QPCTL: variants seen among roughly 807,000 people sequenced by gnomAD.
QPCTL encodes glutaminyl-peptide cyclotransferase-like protein.
A neutral mutation model predicts 34.6 loss-of-function variants in QPCTL; 31 were observed. The ratio of observed to expected loss-of-function variants is 0.90; its 90% confidence interval spans 0.67 to 1.21. The LOEUF is 1.21. Among genes scored for constraint, QPCTL ranks in the 50% most tolerant of loss-of-function variants. QPCTL has a pLI of 0.00. For synonymous variants in QPCTL, 223 were observed against 226.9 expected (o/e 0.98, Z 0.15); for missense variants, 474 against 507.8 (o/e 0.93, Z 0.64).
chr19:45,692,923 G>C lies in QPCTL; in HGVS notation c.207+13G>C. ...CCGGGAGCTGCGGGTGAGGCTGGGC[G>C]GGGACCCGGGCACCGCGGGGACCCT... On this transcript the variant is annotated intron_variant, in intron 1 of 6. Coordinates refer to ENST00000012049, the MANE Select transcript of QPCTL (RefSeq NM_017659.4). The C allele has an allele frequency of 6.5e-7, 1 of 1,531,746 alleles. No homozygotes were observed. The highest frequency in any genetic ancestry group is 8.7e-7 in the Non-Finnish European group (1 of 1,143,450). 94.9% of individuals were successfully genotyped at this position (1,531,746 alleles called of 1,614,324 possible). A position where few individuals can be genotyped will look rare whatever the true frequency, so the allele number is the denominator to read the frequency against.
Position 45,701,752 on chromosome 19 carries a change from G to T in QPCTL, c.887-46G>T, listed in dbSNP as rs374259442. 4 of 1,451,108 alleles carry T rather than the reference G, an allele frequency of 2.8e-6. No homozygotes were observed. The South Asian group carries it at 3.6e-5, about 13-fold the overall frequency. 89.9% of individuals were successfully genotyped at this position (1,451,108 alleles called of 1,614,324 possible). On this transcript the variant is annotated intron_variant, in intron 5 of 6. Coordinates refer to ENST00000012049, the MANE Select transcript of QPCTL (RefSeq NM_017659.4). The stretch of plus-strand genomic sequence containing the variant: ...TCTGATTTGTGGACTGGGGACCTTC[G>T]ACTACTAAGGACTAACCCTTCCTCT...
At chr19:45,700,828 G>T (rs909373844) in intron 5 of QPCTL, among the ~76,000 whole-genome samples, 2 of 151,886 alleles carry the variant, frequency 1.3e-5, no homozygotes, top group South Asian at 2.1e-4. Flanking sequence ...GTGTGGTGGT[G>T]GGCGCCTGTA....
chr19:45,699,113 A>C (rs1967763853), intron 5 of QPCTL, among the ~76,000 whole-genome samples: 1 of 144,924 alleles, frequency 6.9e-6, no homozygotes. Flanking sequence ...GGCTCACTGC[A>C]ACCTCCACCT....
intron 6 of QPCTL, 37 bp downstream of exon 6, chr19:45,701,951 A>C (rs1174108815): frequency 1.3e-6 from 2 of 1,547,028 alleles, no homozygotes; most frequent in East Asian, 4.5e-5. Flanking sequence ...GTGGGTGTCC[A>C]AGGAAGCCAC....
At chr19:45,700,679 G>A (rs1197014554) in intron 5 of QPCTL, among the ~76,000 whole-genome samples, 1 of 152,018 alleles carries the variant, frequency 6.6e-6, no homozygotes, top group Non-Finnish European at 1.5e-5. Flanking sequence ...GGCCAGTGGG[G>A]GCCGGGCCTG....
At chr19:45,695,391 T>C (rs2146125322) in intron 2 of QPCTL, 46 bp from the exon 3 acceptor site, 11 of 812,146 alleles carry the variant, frequency 1.4e-5, no homozygotes, top group East Asian at 9.2e-5. Flanking sequence ...TCTCCCCACC[T>C]CCTCCCCAGT....
At chr19:45,699,987 G>A (rs1023787424) in intron 5 of QPCTL, among the ~76,000 whole-genome samples, 4 of 149,304 alleles carry the variant, frequency 2.7e-5, no homozygotes, top group Admixed American at 1.3e-4. Flanking sequence ...TGCAGTCCCA[G>A]TGACTTGGGA....
intron 6 of QPCTL, among the ~76,000 whole-genome samples, chr19:45,702,236 G>C (rs1360933020): frequency 1.3e-5 from 2 of 151,854 alleles, no homozygotes; most frequent in African/African-American, 4.8e-5. Context: ...TGGCGGGGGG[G>C]GATCCTTGAG....
chr19:45,702,883 A>G, intron 6 of QPCTL, 21 bp from the exon 7 acceptor site: 1 of 1,613,764 alleles, frequency 6.2e-7, no homozygotes, highest in Non-Finnish European at 8.5e-7. Flanking sequence ...GGACCTGACA[A>G]AGTCTCCTCT....
Position 45,692,818 on chromosome 19 carries a change from T to C in QPCTL, c.115T>C (p.Leu39=), listed in dbSNP as rs1344394374. 2 of 1,574,346 alleles carry C rather than the reference T, an allele frequency of 1.3e-6. No homozygotes were observed. ...LLPRVRLLPL[L]LALAVGSAFY... Reference sequence around the variant, plus strand: ...ACCGCGGGTTCGGCTCTTGCCTCTGTTGCTGGCGCTGGCCGTGGGCTCGGC... The same window carrying C: ...ACCGCGGGTTCGGCTCTTGCCTCTGCTGCTGGCGCTGGCCGTGGGCTCGGC... The change falls in exon 1 of 7, where the codon TTG becomes CTG. Residue 39 remains leucine, a synonymous_variant. Transcript: ENST00000012049.
At position 45,698,529 on chromosome 19, in the gene QPCTL, C is replaced by T; in HGVS notation, c.634-18C>T. ...TAGTCCTGAGCTGGCTCTGGCCACCCCCCTGCTGCTCCCACAGGCAGCCCC... is the reference window on the plus strand; with the variant it reads ...TAGTCCTGAGCTGGCTCTGGCCACCTCCCTGCTGCTCCCACAGGCAGCCCC... On this transcript the variant is annotated intron_variant, in intron 3 of 6. Coordinates refer to ENST00000012049, the MANE Select transcript of QPCTL (RefSeq NM_017659.4). The T allele has an allele frequency of 6.2e-7, 1 of 1,613,476 alleles. No homozygotes were observed.
Position 45,703,073 on chromosome 19 carries a change from G to C in QPCTL, c.*24G>C. The C allele has an allele frequency of 6.2e-7, 1 of 1,613,868 alleles. No individual in the cohort carries two copies. Among genetic ancestry groups the C allele is most frequent in the Non-Finnish European group, 8.5e-7 (1 of 1,179,762 alleles). On this transcript the variant is annotated 3_prime_UTR_variant, in exon 7 of 7. Transcript: ENST00000012049. ...AGCGTGCTTGGCCAATGACTGTGGA[G>C]AGGACTGTGAGAGAGAAGGTCCCAG...
chr19:45,702,841 G>C, intron 6 of QPCTL, 63 bp from the exon 7 acceptor site: 2 of 1,605,976 alleles, frequency 1.2e-6, no homozygotes, highest in Non-Finnish European at 1.7e-6. Context: ...TAGAGGTTGG[G>C]CTTGGGCTCC....
chr19:45,703,030 C>T lies in QPCTL; in HGVS notation c.1130C>T (p.Ala377Val), dbSNP rs776437880. Residue 377 changes from alanine to valine, a missense_variant, in exon 7 of 7, where the codon GCT (alanine) becomes GTT (valine). Ala to Val is a moderately conservative substitution (Grantham distance 64, BLOSUM62 0). Transcript: ENST00000012049. The stretch of plus-strand genomic sequence containing the variant: ...TGCCGCATTCTCGCTGTGTTCCTGG[C>T]TGAATACCTGGGGCTCTAGCGTGCT... ...NLCRILAVFL[A>V]EYLGL 1.2e-6 allele frequency: 2 copies of T among 1,614,156 alleles called. No homozygotes were observed. The highest frequency in any genetic ancestry group is 1.7e-6 in the Non-Finnish European group (2 of 1,180,032).
chr19:45,702,255 T>A, intron 6 of QPCTL, among the ~76,000 whole-genome samples: 1 of 149,754 alleles, frequency 6.7e-6, no homozygotes, highest in African/African-American at 2.5e-5. Flanking sequence ...AGCCCAGGAG[T>A]TTGAAACCAG....
intron 2 of QPCTL, 152 bp downstream of exon 2, chr19:45,693,708 C>T: frequency 8.8e-7 from 1 of 1,130,434 alleles, no homozygotes; most frequent in Non-Finnish European, 1.2e-6. Context: ...TAACAAACCA[C>T]CAGGCTGTAC....
intron 6 of QPCTL, 34 bp downstream of exon 6, chr19:45,701,948 T>A (rs770466933): frequency 6.4e-7 from 1 of 1,559,080 alleles, no homozygotes; most frequent in South Asian, 1.1e-5. Flanking sequence ...AGGGTGGGTG[T>A]CCAAGGAAGC....
intron 2 of QPCTL, 48 bp from the exon 3 acceptor site, chr19:45,695,389 C>A (rs2146125316): frequency 3.3e-6 from 5 of 1,531,788 alleles, no homozygotes; most frequent in African/African-American, 2.7e-5. Context: ...CTTCTCCCCA[C>A]CTCCTCCCCA....
chr19:45,693,960 T>C (rs1483070357), intron 2 of QPCTL, among the ~76,000 whole-genome samples: 4 of 152,210 alleles, frequency 2.6e-5, no homozygotes, highest in East Asian at 3.9e-4. Context: ...CCTGAGAAGT[T>C]TGAGACTAGC....
Sources: gnomAD v4.1 joint callset for allele counts (sites outside exome capture counted in the v4.1 genomes callset) on GRCh38, gnomAD v4.1.1 for gene constraint, MANE v1.5 for transcripts, NCBI Gene and HGNC (gene_info 2026-07-23, HGNC 2026-07-21) for gene names.